NUBPL: variants seen among roughly 807,000 people sequenced by gnomAD.
NUBPL encodes the protein iron-sulfur cluster transfer protein NUBPL.
Under a neutral mutation model 45.7 loss-of-function variants are expected in NUBPL, and 31 were observed. The observed-to-expected ratio is 0.68, with a 90% confidence interval of 0.51 to 0.92. The LOEUF is 0.92. Among genes scored for constraint, NUBPL ranks in the 40% least tolerant of loss-of-function variants. NUBPL has a pLI of 0.00. For synonymous variants in NUBPL, 144 were observed against 140.9 expected (o/e 1.02, Z -0.15); for missense variants, 401 against 398.7 (o/e 1.01, Z -0.05).
At chr14:31,626,121 C>T (rs548395054) in intron 4 of NUBPL, among the ~76,000 whole-genome samples, 63 of 151,992 alleles carry the variant, frequency 4.1e-4, no homozygotes, top group African/African-American at 1.4e-3. Flanking sequence ...CTTTTATTAC[C>T]TCCACACCAA....
intron 6 of NUBPL, among the ~76,000 whole-genome samples, chr14:31,766,044 A>G (rs1020381010): frequency 6.6e-6 from 1 of 152,224 alleles, no homozygotes; most frequent in Non-Finnish European, 1.5e-5. Context: ...ATATGGCCCA[A>G]GCCCTTACTG....
At chr14:31,636,380 T>C (rs1359231514) in intron 4 of NUBPL, among the ~76,000 whole-genome samples, 3 of 152,234 alleles carry the variant, frequency 2.0e-5, no homozygotes, top group African/African-American at 4.8e-5. Context: ...TCTGTTTATA[T>C]GCTGGATTAC....
In NUBPL at chr14:31,603,180, G is replaced by A. The variant is rs145621472; in HGVS notation, c.382+3801G>A. Among the ~76,000 whole-genome samples, 1,405 of 151,416 alleles carry A rather than the reference G, an allele frequency of 9.3e-3. 12 individuals are homozygous for A. Among genetic ancestry groups the A allele is most frequent in the Middle Eastern group, 0.024 (7 of 294 alleles). ...CTGGGCATGGTGGCTCACACCTGTA[G>A]TCCCTGATATTCAGGGGACTGTGGT... On this transcript the variant is annotated intron_variant, in intron 4 of 10. Coordinates refer to ENST00000281081, the MANE Select transcript of NUBPL (RefSeq NM_025152.3).
At chr14:31,798,791 CAAAAA>C (rs1164176250) in intron 7 of NUBPL, among the ~76,000 whole-genome samples, 4 of 53,504 alleles carry the variant, frequency 7.5e-5, no homozygotes, top group African/African-American at 2.9e-4. Context: ...GACTCCGTCT[CAAAAA>C]AAAAAAAAAA....
At chr14:31,640,688 T>C (rs1243311884) in intron 4 of NUBPL, among the ~76,000 whole-genome samples, 2 of 152,080 alleles carry the variant, frequency 1.3e-5, no homozygotes, top group African/African-American at 4.8e-5. Context: ...AAATTTATTT[T>C]AAAATTTTAT....
chr14:31,790,461 G>A (rs1326259006), intron 7 of NUBPL, among the ~76,000 whole-genome samples: 1 of 152,154 alleles, frequency 6.6e-6, no homozygotes, highest in Non-Finnish European at 1.5e-5. Flanking sequence ...GAGCAGTTAA[G>A]TAGTACTAAT....
At chr14:31,655,690 G>A (rs2036125054) in intron 4 of NUBPL, among the ~76,000 whole-genome samples, 1 of 152,188 alleles carries the variant, frequency 6.6e-6, no homozygotes, top group Non-Finnish European at 1.5e-5. Context: ...TCTAGCCTGG[G>A]TGACAAAAAG....
chr14:31,735,596 G>T (rs2139987557), intron 6 of NUBPL, among the ~76,000 whole-genome samples: 1 of 152,294 alleles, frequency 6.6e-6, no homozygotes, highest in South Asian at 2.1e-4. Context: ...GCTCACGCCT[G>T]TAATCCCAGC....
At chr14:31,722,097 C>T (rs995273978) in intron 6 of NUBPL, among the ~76,000 whole-genome samples, 15 of 152,194 alleles carry the variant, frequency 9.9e-5, no homozygotes, top group East Asian at 9.7e-4. Flanking sequence ...CCTGGGTTCA[C>T]GCCATTCTTC....
intron 3 of NUBPL, among the ~76,000 whole-genome samples, chr14:31,585,689 A>G (rs1219439782): frequency 2.0e-5 from 3 of 152,158 alleles, no homozygotes; most frequent in East Asian, 1.9e-4. Context: ...GATTTTCTCT[A>G]TATCCTCACC....
chr14:31,782,792 A>AAACG (rs1292388338), intron 6 of NUBPL, among the ~76,000 whole-genome samples: 4 of 149,368 alleles, frequency 2.7e-5, no homozygotes, highest in Non-Finnish European at 5.9e-5. Context: ...TCTAAAAAAC[A>AAACG]AACAAACAAA....
intron 4 of NUBPL, among the ~76,000 whole-genome samples, chr14:31,604,076 C>A (rs549522677): frequency 6.7e-6 from 1 of 148,806 alleles, no homozygotes; most frequent in Non-Finnish European, 1.5e-5. Flanking sequence ...TTTCTTTCTT[C>A]TTGTTTTACT....
In NUBPL at chr14:31,608,351, C is replaced by T. The variant is rs976371430; in HGVS notation, c.382+8972C>T. Among the ~76,000 whole-genome samples the T allele has an allele frequency of 3.9e-5, 6 of 152,066 alleles. No homozygotes were observed. In the South Asian group the frequency reaches 8.3e-4, roughly 21 times the overall value. ...GGCGGATCACCTGAGGTCAGGAGTTCGAGGCCAGCCTGGCCAGCATGGTGA... is the reference window on the plus strand; with the variant it reads ...GGCGGATCACCTGAGGTCAGGAGTTTGAGGCCAGCCTGGCCAGCATGGTGA... On this transcript the variant is annotated intron_variant, in intron 4 of 10. Coordinates refer to ENST00000281081, the MANE Select transcript of NUBPL (RefSeq NM_025152.3).
chr14:31,620,355 G>C (rs965150397), intron 4 of NUBPL, among the ~76,000 whole-genome samples: 1 of 152,048 alleles, frequency 6.6e-6, no homozygotes, highest in African/African-American at 2.4e-5. Context: ...GAGGAGAAGA[G>C]GCATTCTGGT....
chr14:31,750,220 G>A (rs1334394524), intron 6 of NUBPL, among the ~76,000 whole-genome samples: 1 of 149,646 alleles, frequency 6.7e-6, no homozygotes, highest in African/African-American at 2.5e-5. Context: ...TGTCACCCAG[G>A]CTGGAGTACA....
chr14:31,684,505 T>C (rs377674971), intron 6 of NUBPL, among the ~76,000 whole-genome samples: 17 of 152,336 alleles, frequency 1.1e-4, no homozygotes, highest in African/African-American at 4.1e-4. Flanking sequence ...TGGGGACCAC[T>C]CTGGTGGTAT....
At chr14:31,592,606 GT>G (rs869054275) in intron 3 of NUBPL, among the ~76,000 whole-genome samples, 1 of 150,058 alleles carries the variant, frequency 6.7e-6, no homozygotes, top group Non-Finnish European at 1.5e-5. Flanking sequence ...TGTTTACTAT[GT>G]TTTTTTAAAA....
rs34844125 is a variant in NUBPL, at chr14:31,604,179, G to GAA, written c.382+4816_382+4817dup. Among the ~76,000 whole-genome samples, 328 of 121,946 alleles carry GAA rather than the reference G, an allele frequency of 2.7e-3. 1 individual carries two copies. Among genetic ancestry groups the GAA allele is most frequent in the African/African-American group, 9.1e-3 (273 of 30,144 alleles). The allele number at this position is 121,946 out of a possible 152,430, so 80.0% of individuals were successfully genotyped here. A position where few individuals can be genotyped will look rare whatever the true frequency, so the allele number is the denominator to read the frequency against. On this transcript the variant is annotated intron_variant, in intron 4 of 10. Transcript: ENST00000281081. ...AGGTACTGGAAATCTTGGAAAGGCT[G>GAA]AAAAAAAAAAAAAAAAACACTTTCT...
Position 31,754,595 on chromosome 14 carries a change from T to G in NUBPL, c.514-33185T>G, listed in dbSNP as rs1364329206. Among the ~76,000 whole-genome samples, 5 of 34,892 alleles carry G rather than the reference T, an allele frequency of 1.4e-4. No homozygotes were observed. The African/African-American group carries it at 3.3e-3, about 23-fold the overall frequency. The allele number at this position is 34,892 out of a possible 152,430, so 22.9% of individuals were successfully genotyped here. Reference sequence around the variant, plus strand: ...TGATAATGTCAAGAGGGTTTTCTTTTTTTTTTTTTTTTTTTTTCTATTTGA... The same window carrying G: ...TGATAATGTCAAGAGGGTTTTCTTTGTTTTTTTTTTTTTTTTTCTATTTGA... On this transcript the variant is annotated intron_variant, in intron 6 of 10. Transcript: ENST00000281081.
Sources: allele counts gnomAD v4.1 joint callset (sites outside exome capture counted in the v4.1 genomes callset), GRCh38; gene constraint gnomAD v4.1.1; transcripts MANE v1.5; gene names NCBI Gene and HGNC (gene_info 2026-07-23, HGNC 2026-07-21).